Variants in SPIDR observed in about 807,000 individuals in gnomAD.
SPIDR encodes the protein scaffold protein involved in DNA repair, also known as DNA repair-scaffolding protein.
SPIDR carries 93 observed loss-of-function variants against 104.6 expected under a neutral mutation model. The observed-to-expected ratio is 0.89, with a 90% confidence interval of 0.75 to 1.06. The LOEUF (loss-of-function observed/expected upper bound fraction) is 1.06, where lower values mean the gene tolerates loss of function less well. SPIDR is among the 50% of genes least tolerant of loss of function. The pLI is 0.00. For synonymous variants in SPIDR, 431 were observed against 416.9 expected, an observed-to-expected ratio of 1.03 and a Z score of -0.41; for missense variants, 1,154 against 1,111.2, an observed-to-expected ratio of 1.04 and a Z score of -0.55.
intron 10 of SPIDR, among the ~76,000 whole-genome samples, chr8:47,663,519 A>G (rs896830506): frequency 1.3e-5 from 2 of 152,228 alleles, no homozygotes; most frequent in African/African-American, 2.4e-5. Context: ...CACAATGACA[A>G]ACCCCCAAGT....
chr8:47,304,103 G>T (rs1554580112), intron 5 of SPIDR, among the ~76,000 whole-genome samples: 65,036 of 151,990 alleles, frequency 0.43, 15,808 homozygotes, highest in African/African-American at 0.67. Flanking sequence ...TATCTTCCAA[G>T]AAGCATTTGC....
intron 5 of SPIDR, among the ~76,000 whole-genome samples, chr8:47,348,074 A>T (rs1488854301): frequency 6.6e-6 from 1 of 152,154 alleles, no homozygotes; most frequent in Non-Finnish European, 1.5e-5. Flanking sequence ...ATGTTTTTGC[A>T]GTGGCTGGTA....
Position 47,284,611 on chromosome 8 carries a change from C to T in SPIDR, c.256+517C>T, listed in dbSNP as rs1036451260. Among the ~76,000 whole-genome samples, 70 of 152,266 alleles carry T rather than the reference C, an allele frequency of 4.6e-4. 1 individual carries two copies. In the East Asian group the frequency reaches 0.012, roughly 25 times the overall value. On this transcript the variant is annotated intron_variant, in intron 3 of 19. Coordinates refer to ENST00000297423, the MANE Select transcript of SPIDR (RefSeq NM_001080394.4). ...AGCAGGACATCCACAGGGCTAGATT[C>T]TTTCTGAATTCTGTAGCCTGAGTGT...
intron 5 of SPIDR, among the ~76,000 whole-genome samples, chr8:47,372,152 T>A (rs1563770855): frequency 6.6e-6 from 1 of 152,216 alleles, no homozygotes; most frequent in Admixed American, 6.5e-5. Flanking sequence ...GTGACTCTGA[T>A]GTTTTTGATG....
In SPIDR at chr8:47,335,071, T is replaced by G. The variant is rs146569439; in HGVS notation, c.525+41041T>G. Among the ~76,000 whole-genome samples, 42 of 152,266 alleles carry G rather than the reference T, an allele frequency of 2.8e-4. No homozygotes were observed. The East Asian group carries it at 7.1e-3, about 26-fold the overall frequency. ...TCCTGGCATTCATTTTACTTACATG[T>G]AAGCATACATAAATACATATAAGAG... On this transcript the variant is annotated intron_variant, in intron 5 of 19. Transcript: ENST00000297423.
At chr8:47,484,807 C>T (rs2077322378) in intron 8 of SPIDR, among the ~76,000 whole-genome samples, 1 of 152,138 alleles carries the variant, frequency 6.6e-6, no homozygotes, top group Non-Finnish European at 1.5e-5. Flanking sequence ...ATGTGTTTAC[C>T]ACATTGTGGC....
chr8:47,357,865 A>T (rs1185382889), intron 5 of SPIDR: 1 of 984,980 alleles, frequency 1.0e-6, no homozygotes, highest in Non-Finnish European at 1.2e-6. Flanking sequence ...TTAAGGCCAC[A>T]TGAAGGTCAG....
At chr8:47,708,286 G>A (rs1330556841) in intron 14 of SPIDR, among the ~76,000 whole-genome samples, 7 of 152,348 alleles carry the variant, frequency 4.6e-5, no homozygotes, top group East Asian at 3.9e-4. Flanking sequence ...GCGACAGAGC[G>A]AGACTCCGTC....
chr8:47,542,319 G>T (rs1010998057), intron 8 of SPIDR, among the ~76,000 whole-genome samples: 3 of 152,082 alleles, frequency 2.0e-5, no homozygotes. Flanking sequence ...CCTGGATGAG[G>T]GTTGTGGTGA....
chr8:47,557,286 G>A (rs934934253), intron 8 of SPIDR, among the ~76,000 whole-genome samples: 36 of 152,212 alleles, frequency 2.4e-4, no homozygotes, highest in African/African-American at 8.2e-4. Flanking sequence ...TAGTCAATGC[G>A]GCAGGCGTAT....
At chr8:47,504,772 A>G (rs1274942148) in intron 8 of SPIDR, among the ~76,000 whole-genome samples, 1 of 151,844 alleles carries the variant, frequency 6.6e-6, no homozygotes, top group Non-Finnish European at 1.5e-5. Context: ...GGTTTTATCT[A>G]CCTTTGTGTC....
intron 11 of SPIDR, among the ~76,000 whole-genome samples, chr8:47,699,959 A>T (rs145685725): frequency 6.6e-6 from 1 of 152,368 alleles, no homozygotes; most frequent in African/African-American, 2.4e-5. Flanking sequence ...CTCTACTCAG[A>T]TAACCACTAA....
intron 8 of SPIDR, among the ~76,000 whole-genome samples, chr8:47,576,677 G>T (rs1017232999): frequency 5.9e-5 from 9 of 151,972 alleles, no homozygotes; most frequent in Admixed American, 5.9e-4. Context: ...CAGATGATCT[G>T]CCCACCTTGG....
chr8:47,606,311 A>G, intron 10 of SPIDR, among the ~76,000 whole-genome samples: 1 of 151,908 alleles, frequency 6.6e-6, no homozygotes, highest in African/African-American at 2.4e-5. Flanking sequence ...CGAGGTCAAG[A>G]GATCGAGACC....
chr8:47,428,067 C>T (rs553190072), intron 7 of SPIDR, among the ~76,000 whole-genome samples: 13 of 152,288 alleles, frequency 8.5e-5, no homozygotes, highest in South Asian at 8.3e-4. Context: ...GGATTACAGA[C>T]GTGCGCCACG....
chr8:47,412,927 G>GA (rs1554672868), intron 7 of SPIDR, among the ~76,000 whole-genome samples: 1 of 152,156 alleles, frequency 6.6e-6, no homozygotes, highest in African/African-American at 2.4e-5. Context: ...GCTTGAACCA[G>GA]AAAAATATTT....
intron 5 of SPIDR, among the ~76,000 whole-genome samples, chr8:47,319,846 A>G (rs186211539): frequency 7.2e-5 from 11 of 152,086 alleles, no homozygotes; most frequent in South Asian, 2.1e-4. Flanking sequence ...CTGAATGACT[A>G]CTGGGTACAT....
intron 10 of SPIDR, among the ~76,000 whole-genome samples, chr8:47,612,960 G>T (rs2063791443): frequency 6.6e-6 from 1 of 152,192 alleles, no homozygotes; most frequent in African/African-American, 2.4e-5. Context: ...CATGTGAATT[G>T]TATGTGTATG....
At chr8:47,299,095 G>A (rs2041505615) in intron 5 of SPIDR, among the ~76,000 whole-genome samples, 1 of 152,134 alleles carries the variant, frequency 6.6e-6, no homozygotes, top group Admixed American at 6.5e-5. Flanking sequence ...AGCATGGAAT[G>A]TTCTTCCATT....
Sources: gnomAD v4.1 joint callset for allele counts (sites outside exome capture counted in the v4.1 genomes callset) on GRCh38, gnomAD v4.1.1 for gene constraint, MANE v1.5 for transcripts, NCBI Gene and HGNC (gene_info 2026-07-23, HGNC 2026-07-21) for gene names.